The following ZFAND3 variants were observed in gnomAD, a reference collection of about 807,000 sequenced individuals.
The protein encoded by ZFAND3 is zinc finger AN1-type containing 3.
Under a neutral mutation model 29.6 loss-of-function variants are expected in ZFAND3, and 10 were observed. The observed-to-expected ratio is 0.34, with a 90% confidence interval of 0.21 to 0.57. ZFAND3 has a LOEUF of 0.57. ZFAND3 is among the 20% of genes least tolerant of loss of function. The pLI is 0.86. For synonymous variants in ZFAND3, 128 were observed against 112.6 expected (o/e 1.14, Z -0.87); for missense variants, 230 against 304.5 (o/e 0.76, Z 1.82).
chr6:38,128,919 A>G (rs1376908097), intron 5 of ZFAND3, among the ~76,000 whole-genome samples: 2 of 152,258 alleles, frequency 1.3e-5, no homozygotes, highest in East Asian at 1.9e-4. Context: ...GAACCTCCAC[A>G]CTGTTTTCCA....
chr6:38,097,595 A>G (rs1008716010), intron 4 of ZFAND3, among the ~76,000 whole-genome samples: 1 of 152,218 alleles, frequency 6.6e-6, no homozygotes, highest in Admixed American at 6.5e-5. Context: ...GTTGCTTTGA[A>G]GAAGAGCTGT....
chr6:38,026,237 T>C (rs1272587858), intron 2 of ZFAND3, among the ~76,000 whole-genome samples: 1 of 152,052 alleles, frequency 6.6e-6, no homozygotes, highest in Admixed American at 6.6e-5. Context: ...TTTTATGACT[T>C]TTCTTCATAA....
chr6:38,084,701 G>C (rs1037201836), intron 4 of ZFAND3, among the ~76,000 whole-genome samples: 1 of 152,166 alleles, frequency 6.6e-6, no homozygotes, highest in African/African-American at 2.4e-5. Flanking sequence ...CAGGCATTGA[G>C]CTCTCAGTCA....
intron 1 of ZFAND3, among the ~76,000 whole-genome samples, chr6:37,870,430 C>T (rs1035772576): frequency 3.3e-5 from 5 of 151,384 alleles, no homozygotes; most frequent in African/African-American, 4.9e-5. Context: ...GGTGAAACCC[C>T]GCCTCTACTA....
intron 1 of ZFAND3, among the ~76,000 whole-genome samples, chr6:37,903,008 A>G (rs1042952747): frequency 2.6e-5 from 4 of 152,190 alleles, no homozygotes; most frequent in African/African-American, 7.2e-5. Context: ...TTGGCAAAGC[A>G]TGTCAAGCTG....
At chr6:37,986,094 A>G (rs763282758) in intron 2 of ZFAND3, among the ~76,000 whole-genome samples, 1 of 152,242 alleles carries the variant, frequency 6.6e-6, no homozygotes, top group African/African-American at 2.4e-5. Flanking sequence ...AGTGTTTTCA[A>G]AGTAGGGGAG....
intron 5 of ZFAND3, among the ~76,000 whole-genome samples, chr6:38,149,367 G>A (rs565593885): frequency 6.9e-6 from 1 of 145,578 alleles, no homozygotes; most frequent in Non-Finnish European, 1.5e-5. Flanking sequence ...AGCTAGGATC[G>A]CACCACAGCG....
chr6:38,026,540 G>A (rs538048363), intron 2 of ZFAND3, among the ~76,000 whole-genome samples: 10 of 143,142 alleles, frequency 7.0e-5, no homozygotes, highest in South Asian at 2.2e-4. Flanking sequence ...AGTGATTCTC[G>A]TGCCTCAGCC....
chr6:37,899,519 T>G (rs1765280561), intron 1 of ZFAND3, among the ~76,000 whole-genome samples: 2 of 152,196 alleles, frequency 1.3e-5, no homozygotes, highest in Non-Finnish European at 2.9e-5. Context: ...CATGAATGCT[T>G]TAATGATCCG....
chr6:38,081,177 AAGAT>A (rs925840229), intron 3 of ZFAND3, among the ~76,000 whole-genome samples: 3 of 151,970 alleles, frequency 2.0e-5, no homozygotes, highest in African/African-American at 7.3e-5. Context: ...TTTTTAAAGA[AAGAT>A]TATGATCTCC....
At chr6:37,984,446 T>G (rs1416356580) in intron 2 of ZFAND3, among the ~76,000 whole-genome samples, 2 of 152,224 alleles carry the variant, frequency 1.3e-5, no homozygotes, top group African/African-American at 4.8e-5. Flanking sequence ...ATGTGCAGTC[T>G]TAGCTTTCAC....
intron 2 of ZFAND3, among the ~76,000 whole-genome samples, chr6:37,992,234 G>A (rs1762771695): frequency 6.6e-6 from 1 of 152,040 alleles, no homozygotes; most frequent in Non-Finnish European, 1.5e-5. Context: ...GGAATTTTTT[G>A]TCTTTGCTGC....
At chr6:38,009,661 C>A (rs536384430) in intron 2 of ZFAND3, among the ~76,000 whole-genome samples, 1 of 152,122 alleles carries the variant, frequency 6.6e-6, no homozygotes, top group African/African-American at 2.4e-5. Context: ...AGGAGGTTTC[C>A]CAGGAAGTTC....
chr6:37,823,991 T>C (rs180694259), intron 1 of ZFAND3, among the ~76,000 whole-genome samples: 51 of 152,158 alleles, frequency 3.4e-4, no homozygotes, highest in Admixed American at 6.5e-4. Flanking sequence ...TGGGAGACTG[T>C]TATCGAACTC....
intron 1 of ZFAND3, among the ~76,000 whole-genome samples, chr6:37,891,751 C>G (rs1765107149): frequency 6.6e-6 from 1 of 152,070 alleles, no homozygotes; most frequent in Admixed American, 6.6e-5. Context: ...GTTGTTGAGA[C>G]TGAGTCTCGC....
intron 5 of ZFAND3, among the ~76,000 whole-genome samples, chr6:38,129,347 T>A (rs978708406): frequency 6.6e-6 from 1 of 152,220 alleles, no homozygotes. Flanking sequence ...CAGCAGTTTA[T>A]TTTTGGTTTT....
intron 1 of ZFAND3, among the ~76,000 whole-genome samples, chr6:37,858,134 G>A (rs1047975797): frequency 6.6e-6 from 1 of 152,160 alleles, no homozygotes; most frequent in African/African-American, 2.4e-5. Context: ...TAACATTCCT[G>A]TGTAGTTGCC....
chr6:38,133,181 A>G (rs1765774773), intron 5 of ZFAND3, among the ~76,000 whole-genome samples: 1 of 152,186 alleles, frequency 6.6e-6, no homozygotes, highest in Admixed American at 6.5e-5. Flanking sequence ...GCCTCTGTTT[A>G]TGATATATGT....
At chr6:38,035,314 C>T (rs1473909617) in intron 2 of ZFAND3, among the ~76,000 whole-genome samples, 3 of 152,086 alleles carry the variant, frequency 2.0e-5, no homozygotes, top group African/African-American at 7.2e-5. Context: ...ATTATCATAG[C>T]CAAGGCATTT....
Sources: allele counts gnomAD v4.1 joint callset (sites outside exome capture counted in the v4.1 genomes callset), GRCh38; gene constraint gnomAD v4.1.1; transcripts MANE v1.5; gene names NCBI Gene and HGNC (gene_info 2026-07-23, HGNC 2026-07-21).